PPM1L: variants seen among roughly 807,000 people sequenced by gnomAD.
PPM1L encodes the protein protein phosphatase, Mg2+/Mn2+ dependent 1L, also known as protein phosphatase 1L.
In PPM1L, 13 loss-of-function variants were observed where a neutral mutation model predicts 31.4. The ratio of observed to expected loss-of-function variants is 0.41; its 90% confidence interval spans 0.27 to 0.66. The LOEUF (loss-of-function observed/expected upper bound fraction) is 0.66. PPM1L is among the 30% of genes least tolerant of loss of function. The probability of loss-of-function intolerance (pLI) is 0.29; values close to 1 mark genes in which losing one functional copy is unlikely to be tolerated. For synonymous variants in PPM1L, 184 were observed against 175.4 expected (o/e 1.05, Z -0.39); for missense variants, 326 against 453.7 (o/e 0.72, Z 2.56).
At chr3:161,032,387 G>T (rs931646607) in intron 2 of PPM1L, among the ~76,000 whole-genome samples, 1 of 152,134 alleles carries the variant, frequency 6.6e-6, no homozygotes, top group Non-Finnish European at 1.5e-5. Context: ...TCACCTACCT[G>T]ATACACTTTG....
intron 1 of PPM1L, among the ~76,000 whole-genome samples, chr3:160,768,257 A>G (rs867734908): frequency 3.3e-5 from 5 of 152,194 alleles, no homozygotes; most frequent in African/African-American, 1.2e-4. Flanking sequence ...TCACAGCTAC[A>G]TGAAATATCT....
At chr3:160,820,613 T>G (rs1713165461) in intron 1 of PPM1L, among the ~76,000 whole-genome samples, 1 of 152,102 alleles carries the variant, frequency 6.6e-6, no homozygotes, top group Non-Finnish European at 1.5e-5. Context: ...TAGTATTGTA[T>G]GGTCTTAAAC....
At chr3:160,926,055 T>G (rs1455141958) in intron 1 of PPM1L, among the ~76,000 whole-genome samples, 6 of 152,172 alleles carry the variant, frequency 3.9e-5, no homozygotes, top group African/African-American at 1.4e-4. Flanking sequence ...GAGACGGGTC[T>G]TGTATCTAGG....
intron 1 of PPM1L, among the ~76,000 whole-genome samples, chr3:160,925,413 A>G (rs1345172311): frequency 1.3e-5 from 2 of 152,182 alleles, no homozygotes; most frequent in African/African-American, 4.8e-5. Context: ...TAAGTTAGCC[A>G]TTTAGGTGAT....
rs531761239 is a variant in PPM1L, at chr3:160,835,606, C to T, written c.399+78899C>T. On this transcript the variant is annotated intron_variant, in intron 1 of 3. Transcript: ENST00000498165. Reference sequence around the variant, plus strand: ...TCTCCTCATCTGCTGTACCTTCTTACCAACCGATCTCTTATCTTGTCCACT... The same window carrying T: ...TCTCCTCATCTGCTGTACCTTCTTATCAACCGATCTCTTATCTTGTCCACT... Among the ~76,000 whole-genome samples the T allele has an allele frequency of 1.3e-4, 20 of 152,180 alleles. 1 individual carries two copies. In the South Asian group the frequency reaches 3.7e-3, roughly 29 times the overall value.
intron 1 of PPM1L, among the ~76,000 whole-genome samples, chr3:160,849,413 TTCTTTC>T (rs1417550898): frequency 3.8e-4 from 58 of 151,342 alleles, no homozygotes; most frequent in African/African-American, 1.3e-3. Context: ...CTTTCTTTCT[TTCTTTC>T]TTTTTTTTTT....
intron 1 of PPM1L, among the ~76,000 whole-genome samples, chr3:160,902,688 A>G (rs1020941439): frequency 3.9e-5 from 6 of 152,096 alleles, no homozygotes; most frequent in Admixed American, 2.0e-4. Context: ...TTCCCATTCA[A>G]ACTGTTTTTT....
intron 1 of PPM1L, among the ~76,000 whole-genome samples, chr3:160,946,871 A>G (rs1576734155): frequency 6.6e-6 from 1 of 152,192 alleles, no homozygotes; most frequent in African/African-American, 2.4e-5. Flanking sequence ...ATGCTTATCA[A>G]TTGATGCTAT....
At chr3:161,019,057 A>G (rs540552400) in intron 2 of PPM1L, among the ~76,000 whole-genome samples, 3 of 152,362 alleles carry the variant, frequency 2.0e-5, no homozygotes, top group Non-Finnish European at 4.4e-5. Context: ...CACAGAAACC[A>G]CTTCGGGAAA....
At chr3:160,906,342 G>T (rs554842983) in intron 1 of PPM1L, among the ~76,000 whole-genome samples, 172 of 152,152 alleles carry the variant, frequency 1.1e-3, no homozygotes, top group Non-Finnish European at 1.8e-3. Flanking sequence ...AGTGGCTCAC[G>T]CCTGTAATCC....
At chr3:160,957,616 C>T (rs1461121924) in intron 1 of PPM1L, among the ~76,000 whole-genome samples, 3 of 140,410 alleles carry the variant, frequency 2.1e-5, no homozygotes, top group African/African-American at 5.3e-5. Context: ...GTCGCTCTGT[C>T]GCCCAGGCTG....
At chr3:160,980,712 A>AAG (rs1553751949) in intron 2 of PPM1L, among the ~76,000 whole-genome samples, 1,764 of 148,112 alleles carry the variant, frequency 0.012, 39 homozygotes, top group African/African-American at 0.042. Context: ...GAGAGAAAAA[A>AAG]AAAGAGAGAG....
chr3:160,951,051 C>T (rs995643668), intron 1 of PPM1L, among the ~76,000 whole-genome samples: 1 of 152,166 alleles, frequency 6.6e-6, no homozygotes, highest in African/African-American at 2.4e-5. Flanking sequence ...CTATGGATCT[C>T]AAGTGCATAG....
At chr3:160,946,125 G>A (rs775314794) in intron 1 of PPM1L, among the ~76,000 whole-genome samples, 11 of 152,084 alleles carry the variant, frequency 7.2e-5, no homozygotes, top group Non-Finnish European at 1.3e-4. Flanking sequence ...AAAAGGAATA[G>A]TAAAGCACAT....
At chr3:161,004,698 A>G (rs1227790173) in intron 2 of PPM1L, among the ~76,000 whole-genome samples, 6 of 148,522 alleles carry the variant, frequency 4.0e-5, no homozygotes, top group African/African-American at 1.2e-4. Context: ...CCCCTTTATC[A>G]TTTTTTATTG....
At chr3:161,051,733 A>G (rs920894451) in intron 2 of PPM1L, among the ~76,000 whole-genome samples, 3 of 152,184 alleles carry the variant, frequency 2.0e-5, no homozygotes, top group African/African-American at 7.2e-5. Context: ...ATGATAGCAT[A>G]GTCTTTATTT....
chr3:160,943,886 A>G (rs1382295011), intron 1 of PPM1L, among the ~76,000 whole-genome samples: 23 of 152,128 alleles, frequency 1.5e-4, no homozygotes, highest in African/African-American at 2.4e-5. Flanking sequence ...TATCAACACA[A>G]TGTGTTTTGA....
chr3:161,044,925 A>C lies in PPM1L; in HGVS notation c.575-20478A>C, dbSNP rs533295527. Among the ~76,000 whole-genome samples the C allele has an allele frequency of 6.2e-3, 937 of 152,318 alleles. 4 individuals carry two copies. Among genetic ancestry groups the C allele is most frequent in the Admixed American group, 0.015 (223 of 15,302 alleles). ...AGGCTCAAAATAAAGGGATGGAGGA[A>C]GATCTACCAAGCAAATGGAAAACAA... On this transcript the variant is annotated intron_variant, in intron 2 of 3. Coordinates refer to ENST00000498165, the MANE Select transcript of PPM1L (RefSeq NM_139245.4).
intron 2 of PPM1L, among the ~76,000 whole-genome samples, chr3:161,032,866 A>ATTTTTTT (rs61145165): frequency 3.3e-4 from 35 of 107,254 alleles, no homozygotes; most frequent in Non-Finnish European, 5.7e-4. Flanking sequence ...CTAATTTTGT[A>ATTTTTTT]TTTTTTTTTT....
Sources: gnomAD v4.1 joint callset for allele counts (sites outside exome capture counted in the v4.1 genomes callset) on GRCh38, gnomAD v4.1.1 for gene constraint, MANE v1.5 for transcripts, NCBI Gene and HGNC (gene_info 2026-07-23, HGNC 2026-07-21) for gene names.